NFRKB: variants seen among roughly 807,000 people sequenced by gnomAD.
NFRKB encodes nuclear factor related to kappa-B-binding protein.
A neutral mutation model predicts 135.7 loss-of-function variants in NFRKB; 62 were observed. That is an observed-to-expected ratio of 0.46 (90% CI 0.37 to 0.56). The LOEUF is 0.56. Among genes scored for constraint, NFRKB ranks in the 20% least tolerant of loss-of-function variants. The pLI, the probability that NFRKB is intolerant of heterozygous loss-of-function variation, is 0.00. For missense variants in NFRKB, 1,545 were observed against 1,662.0 expected, an observed-to-expected ratio of 0.93 and a Z score of 1.22; for synonymous variants, 678 against 635.6, an observed-to-expected ratio of 1.07 and a Z score of -1.00.
At chr11:129,890,441 T>C (rs559452627) in intron 3 of NFRKB, among the ~76,000 whole-genome samples, 1 of 152,272 alleles carries the variant, frequency 6.6e-6, no homozygotes, top group East Asian at 1.9e-4. Context: ...GGGAAGTATA[T>C]ACACCAACTG....
In NFRKB at chr11:129,869,565, T is replaced by C. The variant is rs780537813; in HGVS notation, c.3460A>G (p.Ser1154Gly). The change falls in exon 24 of 27, where the codon AGC becomes GGC. Residue 1154 changes from serine to glycine, a missense_variant. By Grantham distance (56) the Ser-to-Gly change is moderately conservative. This residue lies in a region of NFRKB where 753 missense variants were observed against 804.3 expected (regional missense o/e 0.94). Coordinates refer to ENST00000682444, the MANE Select transcript of NFRKB (RefSeq NM_001143835.2). Reference protein sequence around the residue: ...VASGAASTPISISTGAPTVRQ... With the variant: ...VASGAASTPIGISTGAPTVRQ... ...ACGGTGGGGGCTCCTGTGCTGATGC[T>C]GATGGGGGTGCTTGCAGCCCCAGAA... The C allele has an allele frequency of 1.2e-6, 2 of 1,614,146 alleles. No individual in the cohort carries two copies. The highest frequency in any genetic ancestry group is 8.5e-7 in the Non-Finnish European group (1 of 1,180,032).
Position 129,874,769 on chromosome 11 carries a change from A to T in NFRKB, c.1978+24T>A, listed in dbSNP as rs757360522. On this transcript the variant is annotated intron_variant, in intron 19 of 26. Transcript: ENST00000682444. The surrounding 1 kb of genome is among the most constrained non-coding windows in gnomAD (Gnocchi z 4.5). ...CAGAACGTATCCCCAGTCTGGTCGG[A>T]CAGTGCCCAGAGGCCTCACACACCA... 1.9e-6 allele frequency: 3 copies of T among 1,614,190 alleles called. No homozygotes were observed. In the Admixed American group the frequency reaches 5.0e-5, roughly 27 times the overall value.
In NFRKB at chr11:129,874,807, C is replaced by T. The variant is rs750927960; in HGVS notation, c.1964G>A (p.Ser655Asn). 1.2e-6 allele frequency: 2 copies of T among 1,614,210 alleles called. No individual in the cohort carries two copies. The highest frequency in any genetic ancestry group is 1.7e-6 in the Non-Finnish European group (2 of 1,180,036). The change falls in exon 19 of 27, where the codon AGT becomes AAT. Residue 655 changes from serine (S) to asparagine (N), a missense_variant. Around this residue, in one of 3 missense-constraint regions of NFRKB, gnomAD observed 114 missense variants for 211.0 expected, o/e 0.54. Transcript: ENST00000682444. This position sits in a 1 kb window ranked among gnomAD's most constrained non-coding sequence, Gnocchi z 4.5. ...GCCTCACACACCAAACTCTTCTTCA[C>T]TCCGGTCACGATGCAGGTAGATCCA... ...KLWIYLHRDR[S>N]EEEFERIHQA...
Position 129,874,136 on chromosome 11 carries a change from T to C in NFRKB, c.2256A>G (p.Ser752=), listed in dbSNP as rs756094677. The change falls in exon 21 of 27, where the codon TCA becomes TCG. Residue 752 remains serine, a synonymous_variant. Transcript: ENST00000682444. This position sits in a 1 kb window ranked among gnomAD's most constrained non-coding sequence, Gnocchi z 4.5. ...AVNKSGPSTV[S]EPAKSSSGVL... ...ACCCCGAGCTAGACTTAGCTGGTTCTGAGACTGTGGAAGGGCCGCTTTTGT... is the reference window on the plus strand; with the variant it reads ...ACCCCGAGCTAGACTTAGCTGGTTCCGAGACTGTGGAAGGGCCGCTTTTGT... 1 of 1,532,938 alleles carries C rather than the reference T, an allele frequency of 6.5e-7. No homozygotes were observed. Among genetic ancestry groups the C allele is most frequent in the Non-Finnish European group, 8.8e-7 (1 of 1,141,340 alleles). 95.0% of individuals were successfully genotyped at this position (1,532,938 alleles called of 1,614,324 possible).
intron 7 of NFRKB, 106 bp from the exon 8 acceptor site, chr11:129,884,249 T>C (rs907906014): frequency 1.3e-5 from 15 of 1,169,944 alleles, no homozygotes; most frequent in Non-Finnish European, 1.9e-5. Flanking sequence ...CTGACACCTG[T>C]GAACTACAAG....
chr11:129,892,846 C>A lies in NFRKB; in HGVS notation c.4G>T (p.Asp2Tyr), dbSNP rs747542744. MDSLDHMLTDPL... is the reference protein window; with the variant it reads MYSLDHMLTDPL... ...TCTGTCAGCATATGGTCTAAGGAAT[C>A]CATTGTTTCTTCTCCACAGGTACTC... is the stretch of plus-strand genomic sequence containing the variant. Residue 2 changes from aspartate to tyrosine, a missense_variant, in exon 3 of 27, where the codon GAT becomes TAT. Physicochemically the swap from Asp to Tyr is radical, Grantham distance 160. Coordinates refer to ENST00000682444, the MANE Select transcript of NFRKB (RefSeq NM_001143835.2). 16 of 1,614,078 alleles carry A rather than the reference C, an allele frequency of 9.9e-6. No individual in the cohort carries two copies. Among genetic ancestry groups the A allele is most frequent in the Non-Finnish European group, 5.1e-6 (6 of 1,180,050 alleles).
In NFRKB at chr11:129,864,319, C is replaced by G. The variant is rs572920475; in HGVS notation, c.*406G>C. On this transcript the variant is annotated 3_prime_UTR_variant, in exon 27 of 27. Coordinates refer to ENST00000682444, the MANE Select transcript of NFRKB (RefSeq NM_001143835.2). ...AATTTTCTGGACACAAAACTCCTAT[C>G]CAGACCACTAGTCATGGAGAAGACC... The G allele has an allele frequency of 1.8e-5, 3 of 167,226 alleles. No homozygotes were observed. Among genetic ancestry groups the G allele is most frequent in the African/African-American group, 7.1e-5 (3 of 42,040 alleles). The allele number at this position is 167,226 out of a possible 1,614,324, so 10.4% of individuals were successfully genotyped here.
At chr11:129,866,714 A>T (rs562972839) in intron 24 of NFRKB, among the ~76,000 whole-genome samples, 1 of 152,290 alleles carries the variant, frequency 6.6e-6, no homozygotes, top group African/African-American at 2.4e-5. Context: ...CTGTTTTCAG[A>T]TGGCCTTGAT....
At chr11:129,883,648 C>A (rs540793482) in intron 8 of NFRKB, among the ~76,000 whole-genome samples, 1 of 152,320 alleles carries the variant, frequency 6.6e-6, no homozygotes, top group African/African-American at 2.4e-5. Flanking sequence ...AAAAAGGTAT[C>A]ATCTTTTCTC....
Position 129,870,216 on chromosome 11 carries a change from T to G in NFRKB, c.2809A>C (p.Ser937Arg). 1 of 1,614,218 alleles carries G rather than the reference T, an allele frequency of 6.2e-7. No homozygotes were observed. Among genetic ancestry groups the G allele is most frequent in the Non-Finnish European group, 8.5e-7 (1 of 1,180,026 alleles). ...AAGTTAGTGGCTGTGAGTGGAATGC[T>G]GTTGCCTGTTTGGGGCTTCACACCA... ...QLGVKPQTGN[S>R]IPLTATNFRI... Residue 937 changes from serine (S) to arginine (R), a missense_variant, in exon 24 of 27, where the codon AGC (serine) becomes CGC (arginine). By Grantham distance (110) the Ser-to-Arg change is moderately radical. Transcript: ENST00000682444.
chr11:129,872,311 G>A (rs1476468230), intron 23 of NFRKB, among the ~76,000 whole-genome samples: 1 of 151,754 alleles, frequency 6.6e-6, no homozygotes, highest in East Asian at 1.9e-4. Flanking sequence ...CTTAATGTTT[G>A]TTGAACAAAA....
At position 129,864,457 on chromosome 11, in the gene NFRKB, T is replaced by G. The variant is rs917921772; in HGVS notation, c.*268A>C. ...TCTCAGAACTCTGGCTTGTTGGACG[T>G]AACTGGTAATTCCTGCAATTTCAAC... On this transcript the variant is annotated 3_prime_UTR_variant, in exon 27 of 27. Coordinates refer to ENST00000682444, the MANE Select transcript of NFRKB (RefSeq NM_001143835.2). The G allele has an allele frequency of 2.5e-6, 1 of 401,470 alleles. No individual in the cohort carries two copies. The highest frequency in any genetic ancestry group is 2.0e-5 in the African/African-American group (1 of 49,688). The allele number at this position is 401,470 out of a possible 1,614,324, so 24.9% of individuals were successfully genotyped here.
intron 13 of NFRKB, among the ~76,000 whole-genome samples, chr11:129,878,842 T>C (rs1733448): frequency 0.77 from 116,806 of 152,198 alleles, 45,516 homozygotes; most frequent in African/African-American, 0.91. Context: ...TGGGAGTTTA[T>C]AGTCAAGTGA....
intron 8 of NFRKB, among the ~76,000 whole-genome samples, 180 bp downstream of exon 8, chr11:129,883,890 G>A (rs1004553311): frequency 4.6e-5 from 7 of 152,134 alleles, no homozygotes; most frequent in African/African-American, 7.2e-5. Flanking sequence ...CAGGCCCTGC[G>A]AAGTCAAAGC....
In NFRKB at chr11:129,884,814, G is replaced by A. The variant is rs753017024; in HGVS notation, c.673C>T (p.Arg225Cys). Reference protein sequence around the residue: ...LSSWLPSSPARSPSPAVPLRV... With the variant: ...LSSWLPSSPACSPSPAVPLRV... Reference sequence around the variant, plus strand: ...AGGGGCACCGCAGGACTAGGAGAACGTGCTGGAGAGCTCGGAAGCCATGAG... The same window carrying A: ...AGGGGCACCGCAGGACTAGGAGAACATGCTGGAGAGCTCGGAAGCCATGAG... The change falls in exon 7 of 27, where the codon CGT becomes TGT. Residue 225 changes from arginine (R) to cysteine (C), a missense_variant. By Grantham distance (180) the Arg-to-Cys change is radical. Coordinates refer to ENST00000682444, the MANE Select transcript of NFRKB (RefSeq NM_001143835.2). 14 of 1,614,094 alleles carry A rather than the reference G, an allele frequency of 8.7e-6. No individual in the cohort carries two copies. The highest frequency in any genetic ancestry group is 6.7e-5 in the African/African-American group (5 of 74,942).
chr11:129,865,978 C>A lies in NFRKB; in HGVS notation c.3537G>T (p.Lys1179Asn). 1.3e-6 allele frequency: 2 copies of A among 1,582,590 alleles called. No homozygotes were observed. Among genetic ancestry groups the A allele is most frequent in the Non-Finnish European group, 8.6e-7 (1 of 1,165,144 alleles). ...TTVVSTSQAG[K>N]LPTRITVPLS... ...GGGGAACTGTGATCCGTGTAGGCAA[C>A]TTCCCCTAGAAAAAAAAAGCAGTCA... Residue 1179 changes from lysine to asparagine, a missense_variant, in exon 25 of 27, where the codon AAG becomes AAT. Physicochemically the swap from Lys to Asn is moderately conservative, Grantham distance 94. Transcript: ENST00000682444.
intron 23 of NFRKB, 117 bp from the exon 24 acceptor site, chr11:129,870,378 T>G: frequency 8.2e-7 from 1 of 1,219,550 alleles, no homozygotes; most frequent in Non-Finnish European, 1.1e-6. Context: ...TTTAACTTTT[T>G]ATTTTGCAAA....
intron 4 of NFRKB, among the ~76,000 whole-genome samples, chr11:129,887,803 C>G (rs1591529034): frequency 6.6e-6 from 1 of 152,128 alleles, no homozygotes; most frequent in African/African-American, 2.4e-5. Context: ...TTTGGGAGGC[C>G]GAGGCGGGCA....
chr11:129,894,546 G>T (rs1859370063), intron 1 of NFRKB, 108 bp from the exon 2 acceptor site: 1 of 152,242 alleles, frequency 6.6e-6, no homozygotes, highest in Non-Finnish European at 1.5e-5. Context: ...ATAACTATAT[G>T]TAAAATGAAG....
Sources: allele counts gnomAD v4.1 joint callset (sites outside exome capture counted in the v4.1 genomes callset), GRCh38; gene constraint gnomAD v4.1.1; regional missense constraint gnomAD v4.1.1; non-coding constraint Gnocchi (gnomAD v3.1); transcripts MANE v1.5; gene names NCBI Gene and HGNC (gene_info 2026-07-23, HGNC 2026-07-21).